Variants in SEMA6D observed in about 807,000 individuals in gnomAD.
SEMA6D encodes the protein semaphorin-6D.
A neutral mutation model predicts 106.6 loss-of-function variants in SEMA6D; 35 were observed. That is an observed-to-expected ratio of 0.33 (90% confidence interval 0.25 to 0.44). SEMA6D has a LOEUF of 0.44. Ranked by LOEUF, SEMA6D falls within the 20% of genes least tolerant of loss-of-function variation. The probability of loss-of-function intolerance (pLI) is 1.00; values close to 1 mark genes in which losing one functional copy is unlikely to be tolerated. For synonymous variants in SEMA6D, 499 were observed against 487.7 expected, an observed-to-expected ratio of 1.02 and a Z score of -0.31; for missense variants, 1,185 against 1,345.9, an observed-to-expected ratio of 0.88 and a Z score of 1.87.
At chr15:47,458,076 T>C (rs980931692) in intron 2 of SEMA6D, among the ~76,000 whole-genome samples, 1 of 151,778 alleles carries the variant, frequency 6.6e-6, no homozygotes, top group Non-Finnish European at 1.5e-5. Context: ...AAAATAAAAA[T>C]ACGAAATGTT....
intron 1 of SEMA6D, among the ~76,000 whole-genome samples, chr15:47,345,651 G>T (rs1483044002): frequency 6.6e-6 from 1 of 152,074 alleles, no homozygotes; most frequent in Non-Finnish European, 1.5e-5. Flanking sequence ...GTTAAGCAAA[G>T]ATTTCTCAGA....
chr15:47,207,831 C>T lies in SEMA6D; in HGVS notation c.-239+23413C>T, dbSNP rs17283975. 1.0e-3 allele frequency among the ~76,000 whole-genome samples: 154 copies of T among 152,024 alleles called. No individual in the cohort carries two copies. In the Middle Eastern group the frequency reaches 0.01, roughly 10 times the overall value. On this transcript the variant is annotated intron_variant, in intron 1 of 19. Transcript: ENST00000558014. Reference sequence around the variant, plus strand: ...CTTTCTGAAACTACTTCATCTAGTACGAGATCAGAGTACCCTGGGGAGAGG... The same window carrying T: ...CTTTCTGAAACTACTTCATCTAGTATGAGATCAGAGTACCCTGGGGAGAGG...
chr15:47,190,960 A>G (rs1893921144), intron 1 of SEMA6D, among the ~76,000 whole-genome samples: 1 of 152,142 alleles, frequency 6.6e-6, no homozygotes, highest in African/African-American at 2.4e-5. Flanking sequence ...GTTTGAGCCC[A>G]GGAGTTCCAA....
At chr15:47,413,892 T>C (rs2040878376) in intron 2 of SEMA6D, among the ~76,000 whole-genome samples, 1 of 152,350 alleles carries the variant, frequency 6.6e-6, no homozygotes, top group South Asian at 2.1e-4. Flanking sequence ...TTGCTCATTC[T>C]TGTATACTGA....
intron 3 of SEMA6D, among the ~76,000 whole-genome samples, chr15:47,509,975 C>A (rs546791757): frequency 1.3e-5 from 2 of 152,304 alleles, no homozygotes; most frequent in South Asian, 2.1e-4. Context: ...ATATTTCATT[C>A]TTTTATTTGT....
intron 4 of SEMA6D, among the ~76,000 whole-genome samples, chr15:47,671,612 T>C (rs2078139013): frequency 6.6e-6 from 1 of 151,912 alleles, no homozygotes; most frequent in Non-Finnish European, 1.5e-5. Context: ...TGGATTCAAG[T>C]AGTCAGTGAG....
chr15:47,195,819 T>C lies in SEMA6D; in HGVS notation c.-239+11401T>C, dbSNP rs572119530. Among the ~76,000 whole-genome samples the C allele has an allele frequency of 7.9e-5, 12 of 152,296 alleles. No individual in the cohort carries two copies. In the South Asian group the frequency reaches 8.3e-4, roughly 11 times the overall value. ...GCACTTTGAGGGTGGACACGATGTC[T>C]TGTTGAAAGAACAGAATGTGAGACC... On this transcript the variant is annotated intron_variant, in intron 1 of 19. Transcript: ENST00000558014.
intron 2 of SEMA6D, among the ~76,000 whole-genome samples, chr15:47,458,955 C>T (rs1453404352): frequency 6.6e-6 from 1 of 151,946 alleles, no homozygotes; most frequent in African/African-American, 2.4e-5. Context: ...TGATTTCCAC[C>T]TCCTAGTATT....
intron 1 of SEMA6D, among the ~76,000 whole-genome samples, chr15:47,349,545 A>T (rs1004772397): frequency 1.3e-5 from 2 of 152,104 alleles, no homozygotes; most frequent in African/African-American, 4.8e-5. Context: ...CCTTTGTCTG[A>T]TTGTTTTAAA....
intron 1 of SEMA6D, among the ~76,000 whole-genome samples, chr15:47,254,108 C>T (rs765579529): frequency 4.6e-5 from 7 of 150,994 alleles, no homozygotes; most frequent in Non-Finnish European, 8.9e-5. Flanking sequence ...TTTTTTGTAG[C>T]TATTGGAATT....
At chr15:47,453,568 G>A (rs576130608) in intron 2 of SEMA6D, among the ~76,000 whole-genome samples, 7 of 151,978 alleles carry the variant, frequency 4.6e-5, no homozygotes, top group African/African-American at 1.2e-4. Context: ...TCTGTATTTC[G>A]AGGTCAGGGA....
chr15:47,630,136 C>G (rs745348451), intron 4 of SEMA6D, among the ~76,000 whole-genome samples: 5 of 151,788 alleles, frequency 3.3e-5, no homozygotes, highest in African/African-American at 9.7e-5. Flanking sequence ...ACTGTTTTCC[C>G]TAGTGGTTGT....
intron 2 of SEMA6D, 77 bp from the exon 3 acceptor site, chr15:47,760,227 T>A (rs2081986682): frequency 1.0e-6 from 1 of 988,108 alleles, no homozygotes; most frequent in East Asian, 2.4e-5. Flanking sequence ...AACAAGTATA[T>A]ACAGCTAATC....
chr15:47,535,882 C>T (rs2142128795), intron 3 of SEMA6D, among the ~76,000 whole-genome samples: 1 of 152,132 alleles, frequency 6.6e-6, no homozygotes, highest in Admixed American at 6.5e-5. Flanking sequence ...GAAAGCAGCA[C>T]ACTGGAAGAT....
At chr15:47,465,250 C>T (rs1368448236) in intron 2 of SEMA6D, among the ~76,000 whole-genome samples, 1 of 152,160 alleles carries the variant, frequency 6.6e-6, no homozygotes, top group Non-Finnish European at 1.5e-5. Flanking sequence ...AAACATTCCT[C>T]ATAAAATTTC....
At chr15:47,290,558 ATG>A (rs2035553346) in intron 1 of SEMA6D, among the ~76,000 whole-genome samples, 1 of 152,052 alleles carries the variant, frequency 6.6e-6, no homozygotes, top group Non-Finnish European at 1.5e-5. Flanking sequence ...ATTTATATAT[ATG>A]TATATCACCG....
intron 1 of SEMA6D, among the ~76,000 whole-genome samples, chr15:47,301,745 C>A (rs905027388): frequency 6.6e-6 from 1 of 152,204 alleles, no homozygotes; most frequent in African/African-American, 2.4e-5. Flanking sequence ...ACGAGACGGG[C>A]AGTGACCATA....
At chr15:47,663,672 G>C (rs929187816) in intron 4 of SEMA6D, among the ~76,000 whole-genome samples, 1 of 152,118 alleles carries the variant, frequency 6.6e-6, no homozygotes, top group Non-Finnish European at 1.5e-5. Context: ...AGAAGATCCC[G>C]ATGTTTTGTG....
intron 4 of SEMA6D, among the ~76,000 whole-genome samples, chr15:47,683,816 A>T (rs1054774613): frequency 1.3e-5 from 2 of 152,160 alleles, no homozygotes; most frequent in African/African-American, 4.8e-5. Flanking sequence ...TGAAATATTG[A>T]CTGCACAATG....
Sources: allele counts gnomAD v4.1 joint callset (sites outside exome capture counted in the v4.1 genomes callset), GRCh38; gene constraint gnomAD v4.1.1; transcripts MANE v1.5; gene names NCBI Gene and HGNC (gene_info 2026-07-23, HGNC 2026-07-21).